Variants in LRRC4C observed in about 807,000 individuals in gnomAD.
The protein encoded by LRRC4C is leucine rich repeat containing 4C.
Under a neutral mutation model 33.6 loss-of-function variants are expected in LRRC4C, and 5 were observed. The ratio of observed to expected loss-of-function variants is 0.15; its 90% CI spans 0.08 to 0.31. The LOEUF (loss-of-function observed/expected upper bound fraction) is 0.31. Among genes scored for constraint, LRRC4C ranks in the 10% least tolerant of loss-of-function variants. LRRC4C has a pLI of 1.00. For missense variants in LRRC4C, 560 were observed against 796.7 expected (o/e 0.70, Z 3.58); for synonymous variants, 329 against 302.0 (o/e 1.09, Z -0.93).
chr11:40,441,439 C>T (rs772545509), intron 3 of LRRC4C, among the ~76,000 whole-genome samples: 13 of 152,130 alleles, frequency 8.5e-5, no homozygotes, highest in Non-Finnish European at 1.6e-4. Flanking sequence ...ACTAAGTGTG[C>T]CTGAAGGTAT....
chr11:41,458,161 A>G (rs1488346946), intron 1 of LRRC4C, among the ~76,000 whole-genome samples: 1 of 152,108 alleles, frequency 6.6e-6, no homozygotes, highest in Non-Finnish European at 1.5e-5. Context: ...ACAGCTGGAG[A>G]GAATCACTTA....
chr11:41,245,711 T>C (rs1376573948), intron 1 of LRRC4C, among the ~76,000 whole-genome samples: 1 of 152,034 alleles, frequency 6.6e-6, no homozygotes, highest in African/African-American at 2.4e-5. Flanking sequence ...CTGCTTGTGT[T>C]TTTCAGCCAT....
intron 2 of LRRC4C, among the ~76,000 whole-genome samples, chr11:40,678,356 C>T (rs921059497): frequency 2.4e-4 from 36 of 152,186 alleles, no homozygotes; most frequent in African/African-American, 7.9e-4. Context: ...CCATGCGCAC[C>T]AGATATTACT....
At chr11:40,152,398 C>T (rs1185768280) in intron 5 of LRRC4C, among the ~76,000 whole-genome samples, 1 of 152,138 alleles carries the variant, frequency 6.6e-6, no homozygotes, top group East Asian at 1.9e-4. Context: ...AAGGAATTCC[C>T]TAGATGAACT....
intron 1 of LRRC4C, among the ~76,000 whole-genome samples, chr11:41,241,333 CA>C (rs1948242327): frequency 1.3e-5 from 2 of 152,222 alleles, no homozygotes; most frequent in South Asian, 4.1e-4. Context: ...TTTTTAGAAG[CA>C]GTAACCCTTT....
intron 3 of LRRC4C, among the ~76,000 whole-genome samples, chr11:40,523,462 C>T (rs1269240056): frequency 6.6e-6 from 1 of 150,772 alleles, no homozygotes; most frequent in Admixed American, 6.6e-5. Context: ...ATATTTTTTA[C>T]CATCCTGCAG....
intron 2 of LRRC4C, among the ~76,000 whole-genome samples, chr11:40,806,326 C>T (rs974004814): frequency 6.6e-6 from 1 of 152,222 alleles, no homozygotes; most frequent in Non-Finnish European, 1.5e-5. Context: ...CTGTCTCCAT[C>T]TATCTGTCCA....
chr11:40,288,839 T>G (rs1944012456), intron 4 of LRRC4C, among the ~76,000 whole-genome samples: 1 of 152,198 alleles, frequency 6.6e-6, no homozygotes, highest in South Asian at 2.1e-4. Context: ...TGTAACTGCA[T>G]AGACATTTGC....
chr11:40,115,018 T>A lies in LRRC4C; in HGVS notation c.1275A>T (p.Thr425=). 6.2e-7 allele frequency: 1 copy of A among 1,614,212 alleles called. No individual in the cohort carries two copies. The highest frequency in any genetic ancestry group is 8.5e-7 in the Non-Finnish European group (1 of 1,180,044). Residue 425 remains threonine, a synonymous_variant, in exon 7 of 7, where the codon ACA becomes ACT. Transcript: ENST00000528697. This position sits in a 1 kb window ranked among gnomAD's most constrained non-coding sequence, Gnocchi z 6.7. ...NVTVQDTGMY[T]CMVSNSVGNT... Reference sequence around the variant, plus strand: ...TCCCAACGGAATTACTCACCATACATGTGTACATGCCTGTATCTTGCACAG... The same window carrying A: ...TCCCAACGGAATTACTCACCATACAAGTGTACATGCCTGTATCTTGCACAG...
intron 4 of LRRC4C, among the ~76,000 whole-genome samples, chr11:40,313,913 C>G (rs1945451373): frequency 6.6e-6 from 1 of 151,700 alleles, no homozygotes. Context: ...GCGCCCGGCC[C>G]GTGGGGAAAT....
intron 1 of LRRC4C, among the ~76,000 whole-genome samples, chr11:41,045,629 C>G (rs558737939): frequency 6.6e-6 from 1 of 152,170 alleles, no homozygotes; most frequent in South Asian, 2.1e-4. Flanking sequence ...TTAGTGGGAA[C>G]AACTAAACAT....
chr11:40,832,593 C>T (rs912346475), intron 2 of LRRC4C, among the ~76,000 whole-genome samples: 7 of 152,028 alleles, frequency 4.6e-5, no homozygotes, highest in Non-Finnish European at 1.0e-4. Flanking sequence ...AAGGCCACTG[C>T]CACAAATGGC....
chr11:41,180,889 C>T (rs1255146790), intron 1 of LRRC4C, among the ~76,000 whole-genome samples: 2 of 151,842 alleles, frequency 1.3e-5, no homozygotes, highest in Non-Finnish European at 2.9e-5. Context: ...CAACTTCCTG[C>T]TTGATACACT....
chr11:40,377,513 A>G (rs1186817962), intron 3 of LRRC4C, among the ~76,000 whole-genome samples: 1 of 152,110 alleles, frequency 6.6e-6, no homozygotes, highest in African/African-American at 2.4e-5. Context: ...CTCTGAGATC[A>G]AATTTTGTTA....
intron 2 of LRRC4C, among the ~76,000 whole-genome samples, chr11:40,803,920 T>G (rs1167480155): frequency 6.6e-6 from 1 of 152,222 alleles, no homozygotes; most frequent in East Asian, 1.9e-4. Context: ...TTACAAACAA[T>G]CCAATTGTAC....
chr11:41,213,753 ATCTTC>A (rs1424038746), intron 1 of LRRC4C, among the ~76,000 whole-genome samples: 1 of 152,222 alleles, frequency 6.6e-6, no homozygotes, highest in East Asian at 1.9e-4. Flanking sequence ...CTTTACATTT[ATCTTC>A]TCTTTGAATT....
chr11:40,387,725 A>T (rs1182783762), intron 3 of LRRC4C, among the ~76,000 whole-genome samples: 1 of 152,178 alleles, frequency 6.6e-6, no homozygotes, highest in Non-Finnish European at 1.5e-5. Flanking sequence ...TTATGGTTCC[A>T]ACAGTAGTAG....
At chr11:40,913,945 T>A (rs1239336140) in intron 2 of LRRC4C, among the ~76,000 whole-genome samples, 35 of 152,172 alleles carry the variant, frequency 2.3e-4, no homozygotes, top group Admixed American at 2.1e-3. Flanking sequence ...CTGGAAAATC[T>A]AGAAGAAATG....
chr11:40,836,786 G>T (rs566736477), intron 2 of LRRC4C, among the ~76,000 whole-genome samples: 40 of 152,240 alleles, frequency 2.6e-4, no homozygotes, highest in Admixed American at 5.9e-4. Flanking sequence ...TAGGGTGATT[G>T]TATTAATGAG....
Sources: allele counts gnomAD v4.1 joint callset (sites outside exome capture counted in the v4.1 genomes callset), GRCh38; gene constraint gnomAD v4.1.1; non-coding constraint Gnocchi (gnomAD v3.1); transcripts MANE v1.5; gene names NCBI Gene and HGNC (gene_info 2026-07-23, HGNC 2026-07-21).